FHIT: variants seen among roughly 807,000 people sequenced by gnomAD.
FHIT encodes the protein bis(5'-adenosyl)-triphosphatase.
Under a neutral mutation model 17.9 loss-of-function variants are expected in FHIT, and 19 were observed. The observed-to-expected ratio is 1.06, with a 90% CI of 0.74 to 1.56. The LOEUF is 1.56. Ranked by LOEUF, FHIT falls within the 40% of genes most tolerant of loss-of-function variation. The pLI, the probability that FHIT is intolerant of heterozygous loss-of-function variation, is 0.00. For missense variants in FHIT, 248 were observed against 189.2 expected (o/e 1.31, Z -1.82); for synonymous variants, 81 against 69.7 (o/e 1.16, Z -0.81).
intron 2 of FHIT, among the ~76,000 whole-genome samples, chr3:61,128,091 A>T (rs1035542609): frequency 6.6e-6 from 1 of 152,234 alleles, no homozygotes; most frequent in Non-Finnish European, 1.5e-5. Context: ...GACAAGGTAC[A>T]ATGCCAGATA....
intron 5 of FHIT, among the ~76,000 whole-genome samples, chr3:60,072,766 T>C (rs997193698): frequency 3.3e-5 from 5 of 152,222 alleles, no homozygotes; most frequent in African/African-American, 1.2e-4. Context: ...CTATTCTCTA[T>C]TGACAGTATC....
At chr3:60,218,730 T>G (rs192467396) in intron 5 of FHIT, among the ~76,000 whole-genome samples, 193 of 152,186 alleles carry the variant, frequency 1.3e-3, no homozygotes, top group Admixed American at 4.8e-3. Context: ...TTCTAAGAGC[T>G]TAGAAATCAG....
chr3:60,638,974 C>G (rs1320531802), intron 4 of FHIT, among the ~76,000 whole-genome samples: 1 of 149,094 alleles, frequency 6.7e-6, no homozygotes, highest in Non-Finnish European at 1.5e-5. Flanking sequence ...ACTAATCCTC[C>G]TGCAGAAAGT....
intron 5 of FHIT, among the ~76,000 whole-genome samples, chr3:60,240,702 T>G (rs186711854): frequency 6.6e-6 from 1 of 152,104 alleles, no homozygotes; most frequent in African/African-American, 2.4e-5. Flanking sequence ...ATAATTGAGA[T>G]GGAAAGGAGG....
At chr3:60,060,860 G>T (rs890399268) in intron 5 of FHIT, among the ~76,000 whole-genome samples, 3 of 152,188 alleles carry the variant, frequency 2.0e-5, no homozygotes, top group African/African-American at 7.2e-5. Flanking sequence ...AAAATGCACT[G>T]TAGCATTCTT....
At chr3:59,837,209 A>G (rs1701368200) in intron 8 of FHIT, among the ~76,000 whole-genome samples, 1 of 152,092 alleles carries the variant, frequency 6.6e-6, no homozygotes, top group South Asian at 2.1e-4. Context: ...CCCTGAACCA[A>G]TACAGTCATC....
intron 4 of FHIT, among the ~76,000 whole-genome samples, chr3:60,800,142 T>C (rs887572629): frequency 3.3e-5 from 5 of 152,304 alleles, no homozygotes; most frequent in African/African-American, 1.2e-4. Context: ...TCATGCTGTA[T>C]TTCCAAGCTG....
At chr3:60,229,879 G>A (rs993757514) in intron 5 of FHIT, among the ~76,000 whole-genome samples, 1 of 152,136 alleles carries the variant, frequency 6.6e-6, no homozygotes, top group African/African-American at 2.4e-5. Context: ...CTTCTCAAGA[G>A]GCTGTGGCAG....
intron 2 of FHIT, among the ~76,000 whole-genome samples, chr3:61,116,713 T>A (rs923330303): frequency 6.6e-6 from 1 of 152,148 alleles, no homozygotes; most frequent in South Asian, 2.1e-4. Flanking sequence ...CAAAGCACCA[T>A]AATTTGAAGC....
chr3:60,553,093 T>A (rs979712387), intron 4 of FHIT, among the ~76,000 whole-genome samples: 1 of 152,232 alleles, frequency 6.6e-6, no homozygotes, highest in African/African-American at 2.4e-5. Flanking sequence ...GACCCTGAAC[T>A]GCAATGAATG....
At chr3:60,270,103 G>C (rs193269886) in intron 5 of FHIT, among the ~76,000 whole-genome samples, 3 of 152,278 alleles carry the variant, frequency 2.0e-5, no homozygotes, top group Non-Finnish European at 4.4e-5. Flanking sequence ...AGAATTCATG[G>C]GATGAGGTTG....
intron 5 of FHIT, among the ~76,000 whole-genome samples, chr3:60,126,491 C>T (rs1705556782): frequency 6.6e-6 from 1 of 152,172 alleles, no homozygotes; most frequent in African/African-American, 2.4e-5. Context: ...TCATAACAAA[C>T]AGCTACCGTT....
intron 4 of FHIT, among the ~76,000 whole-genome samples, chr3:60,646,185 G>C (rs1457765160): frequency 4.6e-5 from 7 of 152,160 alleles, no homozygotes; most frequent in Non-Finnish European, 1.0e-4. Context: ...TTTGCAGCTA[G>C]GAGAACAGAT....
chr3:59,776,151 G>C (rs1702302299), intron 8 of FHIT, among the ~76,000 whole-genome samples: 2 of 152,340 alleles, frequency 1.3e-5, no homozygotes, highest in South Asian at 4.1e-4. Flanking sequence ...GCATGGGCTG[G>C]AAGCCCTCCC....
chr3:60,371,003 G>A (rs750492094), intron 5 of FHIT, among the ~76,000 whole-genome samples: 2 of 152,138 alleles, frequency 1.3e-5, no homozygotes, highest in Non-Finnish European at 2.9e-5. Flanking sequence ...TTGCTTGGAC[G>A]TGTCATATGG....
chr3:61,151,583 T>C (rs1371154100), intron 2 of FHIT, among the ~76,000 whole-genome samples: 1 of 149,114 alleles, frequency 6.7e-6, no homozygotes, highest in Non-Finnish European at 1.5e-5. Context: ...TTCTTTTTTT[T>C]TTTTTTTTGA....
chr3:60,958,517 A>G (rs1210122469), intron 3 of FHIT, among the ~76,000 whole-genome samples: 2 of 152,222 alleles, frequency 1.3e-5, no homozygotes, highest in African/African-American at 2.4e-5. Flanking sequence ...TTACACTGGT[A>G]TGTTTTATCA....
Position 60,487,662 on chromosome 3 carries a change from T to C in FHIT, c.103+49198A>G, listed in dbSNP as rs1004760975. Among the ~76,000 whole-genome samples the C allele has an allele frequency of 6.6e-5, 10 of 152,276 alleles. No individual in the cohort carries two copies. In the South Asian group the frequency reaches 1.7e-3, roughly 25 times the overall value. On this transcript the variant is annotated intron_variant, in intron 5 of 9. Transcript: ENST00000492590. ...GAGCTTCCTGCAGTGCCTGACTATCTCAAAGTTGCTAACGCAGGGAAATAA... is the reference window on the plus strand; with the variant it reads ...GAGCTTCCTGCAGTGCCTGACTATCCCAAAGTTGCTAACGCAGGGAAATAA...
At chr3:59,994,226 C>A (rs1699408641) in intron 7 of FHIT, among the ~76,000 whole-genome samples, 1 of 151,994 alleles carries the variant, frequency 6.6e-6, no homozygotes, top group Non-Finnish European at 1.5e-5. Flanking sequence ...TCACAAACTG[C>A]AAAATATTAA....
Sources: allele counts gnomAD v4.1 joint callset (sites outside exome capture counted in the v4.1 genomes callset), GRCh38; gene constraint gnomAD v4.1.1; transcripts MANE v1.5; gene names NCBI Gene and HGNC (gene_info 2026-07-23, HGNC 2026-07-21).